The following CADPS2 variants were observed in gnomAD, a reference collection of about 807,000 sequenced individuals.
CADPS2 encodes the protein calcium-dependent secretion activator 2.
CADPS2 carries 93 observed loss-of-function variants against 172.5 expected under a neutral mutation model. That is an observed-to-expected ratio of 0.54 (90% CI 0.46 to 0.64). The LOEUF is 0.64. Ranked by LOEUF, CADPS2 falls within the 30% of genes least tolerant of loss-of-function variation. CADPS2 has a pLI of 0.00. For missense variants in CADPS2, 1,420 were observed against 1,565.9 expected, an observed-to-expected ratio of 0.91 and a Z score of 1.57; for synonymous variants, 546 against 555.2, an observed-to-expected ratio of 0.98 and a Z score of 0.23.
intron 25 of CADPS2, among the ~76,000 whole-genome samples, chr7:122,378,595 T>A (rs2042625551): frequency 6.6e-6 from 1 of 152,140 alleles, no homozygotes; most frequent in African/African-American, 2.4e-5. Context: ...CTTCTTGTCA[T>A]CCTTCCAGTT....
At chr7:122,666,406 CCATGTCGGTTCA>C (rs2081199284) in intron 2 of CADPS2, among the ~76,000 whole-genome samples, 1 of 149,486 alleles carries the variant, frequency 6.7e-6, no homozygotes, top group African/African-American at 2.5e-5. Context: ...TGCAATGGCA[CCATGTCGGTTCA>C]CTGCAAACTC....
At chr7:122,685,317 C>G (rs1402412230) in intron 2 of CADPS2, among the ~76,000 whole-genome samples, 14 of 152,190 alleles carry the variant, frequency 9.2e-5, no homozygotes, top group Non-Finnish European at 1.5e-5. Flanking sequence ...AGTGGCAATG[C>G]TCTCCCTGTA....
chr7:122,354,566 A>C (rs1047136802), intron 27 of CADPS2: 4 of 152,164 alleles, frequency 2.6e-5, no homozygotes, highest in South Asian at 2.1e-4. Context: ...ACGGGTGAGC[A>C]AAACTTTTTT....
At chr7:122,456,256 T>C (rs1468862664) in intron 14 of CADPS2, among the ~76,000 whole-genome samples, 2 of 152,062 alleles carry the variant, frequency 1.3e-5, no homozygotes, top group Non-Finnish European at 2.9e-5. Flanking sequence ...TGATAAAGAT[T>C]CTGTTAAAAT....
chr7:122,579,200 G>A (rs560878980), intron 7 of CADPS2, among the ~76,000 whole-genome samples: 1 of 151,862 alleles, frequency 6.6e-6, no homozygotes, highest in Non-Finnish European at 1.5e-5. Flanking sequence ...CTCTCAGGCA[G>A]GGTTGATTTT....
intron 2 of CADPS2, among the ~76,000 whole-genome samples, chr7:122,728,395 T>C (rs554994720): frequency 1.3e-5 from 2 of 151,952 alleles, no homozygotes; most frequent in South Asian, 4.2e-4. Context: ...AGAAGAGAGA[T>C]AAGTGAAATG....
At chr7:122,620,990 T>C (rs1485128537) in intron 5 of CADPS2, among the ~76,000 whole-genome samples, 1 of 152,078 alleles carries the variant, frequency 6.6e-6, no homozygotes, top group Non-Finnish European at 1.5e-5. Context: ...CCATGTACCC[T>C]CAACCTCCTG....
intron 7 of CADPS2, among the ~76,000 whole-genome samples, chr7:122,578,067 GAT>G (rs985803616): frequency 1.3e-5 from 2 of 149,770 alleles, no homozygotes; most frequent in Admixed American, 6.7e-5. Context: ...TAGAAAAGTA[GAT>G]ATATATATGT....
At chr7:122,570,184 A>C (rs1308172058) in intron 7 of CADPS2, among the ~76,000 whole-genome samples, 1 of 151,650 alleles carries the variant, frequency 6.6e-6, no homozygotes, top group Non-Finnish European at 1.5e-5. Context: ...ACAAATTTAC[A>C]AGAAAAAAAC....
chr7:122,361,353 C>A (rs759150428), intron 25 of CADPS2, among the ~76,000 whole-genome samples: 4 of 151,554 alleles, frequency 2.6e-5, no homozygotes, highest in Non-Finnish European at 5.9e-5. Context: ...CCTGCCTCAG[C>A]CTCCCGAGTA....
chr7:122,785,585 A>G (rs1167368522), intron 1 of CADPS2, among the ~76,000 whole-genome samples: 5 of 152,228 alleles, frequency 3.3e-5, no homozygotes, highest in Admixed American at 2.6e-4. Context: ...CTTCAGAAAT[A>G]GCAGTGGAAA....
chr7:122,689,728 C>T (rs1159608317), intron 2 of CADPS2, among the ~76,000 whole-genome samples: 1 of 152,160 alleles, frequency 6.6e-6, no homozygotes, highest in Non-Finnish European at 1.5e-5. Flanking sequence ...CTTGGTAAGG[C>T]CGCTTATTCC....
rs527712713 is a variant in CADPS2, at chr7:122,820,652, C to T, written c.339+65347G>A. Reference sequence around the variant, plus strand: ...TCGGCTCACTGCAAGCTCCGCCTCCCGGGTTCACGCCATTCTCCTGCCTCA... The same window carrying T: ...TCGGCTCACTGCAAGCTCCGCCTCCTGGGTTCACGCCATTCTCCTGCCTCA... On this transcript the variant is annotated intron_variant, in intron 1 of 29. Transcript: ENST00000449022. Among the ~76,000 whole-genome samples the T allele has an allele frequency of 1.7e-3, 215 of 129,936 alleles. 25 individuals carry two copies. Among genetic ancestry groups the T allele is most frequent in the Admixed American group, 3.8e-3 (48 of 12,656 alleles). The allele number at this position is 129,936 out of a possible 152,430, so 85.2% of individuals were successfully genotyped here.
intron 8 of CADPS2, among the ~76,000 whole-genome samples, chr7:122,542,088 C>A (rs1055615498): frequency 6.6e-6 from 1 of 151,762 alleles, no homozygotes; most frequent in Non-Finnish European, 1.5e-5. Flanking sequence ...GTTTTAGTCA[C>A]TTTAGTGATA....
intron 25 of CADPS2, among the ~76,000 whole-genome samples, chr7:122,376,202 T>C (rs1285785254): frequency 6.6e-6 from 1 of 152,178 alleles, no homozygotes; most frequent in African/African-American, 2.4e-5. Context: ...AACTACCATA[T>C]GATTTAGCGA....
chr7:122,591,960 T>A (rs957486927), intron 6 of CADPS2, among the ~76,000 whole-genome samples: 1 of 151,834 alleles, frequency 6.6e-6, no homozygotes, highest in African/African-American at 2.4e-5. Flanking sequence ...ACAAAAGCAA[T>A]GGCAACAAAA....
At chr7:122,418,131 T>C (rs1004449380) in intron 17 of CADPS2, among the ~76,000 whole-genome samples, 4 of 151,170 alleles carry the variant, frequency 2.6e-5, no homozygotes, top group Admixed American at 6.6e-5. Context: ...TATCACACCA[T>C]TGCGCTCCAG....
chr7:122,616,706 C>T (rs1441540058), intron 5 of CADPS2, among the ~76,000 whole-genome samples: 1 of 152,068 alleles, frequency 6.6e-6, no homozygotes, highest in Admixed American at 6.5e-5. Flanking sequence ...GTATCTTTCA[C>T]AGCTGTTCTA....
At chr7:122,478,311 C>T (rs2056933999) in intron 12 of CADPS2, among the ~76,000 whole-genome samples, 1 of 152,164 alleles carries the variant, frequency 6.6e-6, no homozygotes, top group Admixed American at 6.5e-5. Context: ...AATATGACAA[C>T]TATCAAAACA....
Sources: gnomAD v4.1 joint callset for allele counts (sites outside exome capture counted in the v4.1 genomes callset) on GRCh38, gnomAD v4.1.1 for gene constraint, MANE v1.5 for transcripts, NCBI Gene and HGNC (gene_info 2026-07-23, HGNC 2026-07-21) for gene names.